SLC19A3: variants seen among roughly 807,000 people sequenced by gnomAD.
SLC19A3 encodes thiamine transporter 2.
Under a neutral mutation model 40.2 loss-of-function variants are expected in SLC19A3, and 31 were observed. That is an observed-to-expected ratio of 0.77 (90% confidence interval 0.58 to 1.04). The LOEUF is 1.04. Ranked by LOEUF, SLC19A3 falls within the 50% of genes least tolerant of loss-of-function variation. The pLI, the probability that SLC19A3 is intolerant of heterozygous loss-of-function variation, is 0.00. For synonymous variants in SLC19A3, 212 were observed against 227.5 expected (o/e 0.93, Z 0.61); for missense variants, 592 against 596.7 (o/e 0.99, Z 0.08).
chr2:227,687,646 G>C, intron 5 of SLC19A3, 73 bp from the exon 6 acceptor site: 9 of 1,520,364 alleles, frequency 5.9e-6, no homozygotes, highest in Non-Finnish European at 4.5e-6. Flanking sequence ...TCCTAATACT[G>C]TTGGTTTGCT....
rs144893230 is a variant in SLC19A3, at chr2:227,688,587, C to T, written c.1173-280G>A. ...AGTGTTACTGGGCTTGGGGTGCTCC[C>T]TAATGTAGATACAGTTTAGATCACA... On this transcript the variant is annotated intron_variant, in intron 4 of 5. Coordinates refer to ENST00000644224, the MANE Select transcript of SLC19A3 (RefSeq NM_025243.4). 1.4e-3 allele frequency among the ~76,000 whole-genome samples: 207 copies of T among 152,268 alleles called. 1 individual carries two copies. Among genetic ancestry groups the T allele is most frequent in the Admixed American group, 3.2e-3 (49 of 15,290 alleles).
intron 3 of SLC19A3, among the ~76,000 whole-genome samples, chr2:227,696,530 G>A (rs1020486658): frequency 5.9e-5 from 9 of 152,182 alleles, no homozygotes; most frequent in African/African-American, 2.2e-4. Flanking sequence ...ATGAGTATCA[G>A]ATGTGTTACA....
intron 3 of SLC19A3, 126 bp downstream of exon 3, chr2:227,698,610 T>A (rs1695535332): frequency 1.1e-6 from 1 of 918,986 alleles, no homozygotes; most frequent in African/African-American, 1.6e-5. Flanking sequence ...TGACTTTCAT[T>A]CTTGACTGAA....
At chr2:227,691,482 G>GT (rs1695226796) in intron 4 of SLC19A3, among the ~76,000 whole-genome samples, 1 of 152,114 alleles carries the variant, frequency 6.6e-6, no homozygotes, top group South Asian at 2.1e-4. Context: ...GGTGGTGCAT[G>GT]TTTGTGATCC....
At chr2:227,711,632 A>G (rs1330345308) in intron 1 of SLC19A3, among the ~76,000 whole-genome samples, 1 of 152,038 alleles carries the variant, frequency 6.6e-6, no homozygotes, top group Admixed American at 6.6e-5. Context: ...AAGGAAACAG[A>G]TCTTCGTTAC....
intron 1 of SLC19A3, chr2:227,714,578 G>A (rs1288987528): frequency 3.0e-6 from 3 of 984,420 alleles, no homozygotes; most frequent in African/African-American, 1.8e-5. Context: ...GGAGTCTCTT[G>A]TCCTCCTCCT....
chr2:227,696,121 TGCA>T (rs760485732), intron 3 of SLC19A3, 40 bp from the exon 4 acceptor site: 7 of 1,598,466 alleles, frequency 4.4e-6, no homozygotes, highest in Non-Finnish European at 6.0e-6. Flanking sequence ...ATAATGACTT[TGCA>T]TGCAGGAAAA....
At chr2:227,714,312 T>G in intron 1 of SLC19A3, 2 of 519,228 alleles carry the variant, frequency 3.9e-6, no homozygotes, top group Non-Finnish European at 5.0e-6. Flanking sequence ...AGAACATTTC[T>G]GATGAAAACA....
chr2:227,697,306 C>T (rs1695476283), intron 3 of SLC19A3, among the ~76,000 whole-genome samples: 1 of 152,122 alleles, frequency 6.6e-6, no homozygotes, highest in Non-Finnish European at 1.5e-5. Flanking sequence ...CACGGGTTTT[C>T]TAAAACTTTT....
Position 227,698,963 on chromosome 2 carries a change from C to T in SLC19A3, c.752G>A (p.Ser251Asn), listed in dbSNP as rs1368458303. The change falls in exon 3 of 6, where the codon AGC becomes AAC. Residue 251 changes from serine to asparagine, a missense_variant. Physicochemically the swap from Ser to Asn is conservative, Grantham distance 46. Coordinates refer to ENST00000644224, the MANE Select transcript of SLC19A3 (RefSeq NM_025243.4). ...CACAGTCACATTGCTTGGTTTCAGG[C>T]TGTTCAGCTGGCCCTTATTCAGCTT... ...SGKLNKGQLN[S>N]LKPSNVTVDV... 5 of 1,614,100 alleles carry T rather than the reference C, an allele frequency of 3.1e-6. No homozygotes were observed. Among genetic ancestry groups the T allele is most frequent in the Non-Finnish European group, 4.2e-6 (5 of 1,180,046 alleles).
At chr2:227,701,168 C>T (rs1695672291) in intron 2 of SLC19A3, 1 of 1,172,160 alleles carries the variant, frequency 8.5e-7, no homozygotes, top group East Asian at 5.9e-5. Context: ...AGAAGCTTGC[C>T]TTTCTGTCTT....
rs1161452574 is a variant in SLC19A3 at position 227,712,602 on chromosome 2, T to C, written c.-3+5341A>G. Among the ~76,000 whole-genome samples, 9 of 152,318 alleles carry C rather than the reference T, an allele frequency of 5.9e-5. No individual in the cohort carries two copies. The South Asian group carries it at 1.9e-3, about 32-fold the overall frequency. ...TCGAATGTAAAATGGCACCAACCCTTTGGAAAATCATTTGGCAATCTATCC... is the reference window on the plus strand; with the variant it reads ...TCGAATGTAAAATGGCACCAACCCTCTGGAAAATCATTTGGCAATCTATCC... On this transcript the variant is annotated intron_variant, in intron 1 of 5. Transcript: ENST00000644224.
intron 2 of SLC19A3, chr2:227,701,952 A>G (rs1429710598): frequency 1.9e-6 from 1 of 530,586 alleles, no homozygotes; most frequent in Non-Finnish European, 3.4e-6. Flanking sequence ...GCAAGTTAAA[A>G]ATTTGTTAAC....
At chr2:227,690,058 C>T (rs113398205) in intron 4 of SLC19A3, among the ~76,000 whole-genome samples, 6,285 of 152,070 alleles carry the variant, frequency 0.041, 348 homozygotes, top group African/African-American at 0.12. Context: ...AGAAAATCAC[C>T]TTCACTAAAA....
chr2:227,711,285 T>C (rs1341649039), intron 1 of SLC19A3, among the ~76,000 whole-genome samples: 1 of 151,960 alleles, frequency 6.6e-6, no homozygotes, highest in Non-Finnish European at 1.5e-5. Flanking sequence ...CTGGGCATGG[T>C]GGTGGGTTCC....
intron 3 of SLC19A3, among the ~76,000 whole-genome samples, chr2:227,697,038 C>G (rs60972516): frequency 0.022 from 3,355 of 152,212 alleles, 111 homozygotes; most frequent in African/African-American, 0.076. Flanking sequence ...GCAATCCAGC[C>G]TGGGTGACAG....
chr2:227,695,512 G>T, intron 4 of SLC19A3: 1 of 234,046 alleles, frequency 4.3e-6, no homozygotes, highest in South Asian at 5.6e-5. Flanking sequence ...TGAGGTTGGG[G>T]ACTCACCTGA....
Position 227,696,487 on chromosome 2 carries a change from T to A in SLC19A3, c.980-406A>T, listed in dbSNP as rs559760583. On this transcript the variant is annotated intron_variant, in intron 3 of 5. Transcript: ENST00000644224. ...CACTGGCCTCTCTATTTGCCTTTCT[T>A]TTCTCAGTTTTTGCTGTAAGTCTTT... Among the ~76,000 whole-genome samples the A allele has an allele frequency of 1.6e-3, 249 of 152,314 alleles. 2 individuals are homozygous for A. The highest frequency in any genetic ancestry group is 5.7e-3 in the African/African-American group (237 of 41,576).
chr2:227,704,567 G>GTT (rs1322482103), intron 1 of SLC19A3, among the ~76,000 whole-genome samples: 1 of 152,090 alleles, frequency 6.6e-6, no homozygotes, highest in Non-Finnish European at 1.5e-5. Context: ...CCTGGACTTG[G>GTT]TCTCAGTTTC....
Sources: allele counts gnomAD v4.1 joint callset (sites outside exome capture counted in the v4.1 genomes callset), GRCh38; gene constraint gnomAD v4.1.1; transcripts MANE v1.5; gene names NCBI Gene and HGNC (gene_info 2026-07-23, HGNC 2026-07-21).